Variants in MYO3A observed in about 807,000 individuals in gnomAD.
MYO3A encodes the protein myosin IIIA.
MYO3A carries 180 observed loss-of-function variants against 192.7 expected under a neutral mutation model. The observed-to-expected ratio is 0.93, with a 90% CI of 0.83 to 1.06. MYO3A has a LOEUF of 1.06. MYO3A is among the 50% of genes least tolerant of loss of function. The probability of loss-of-function intolerance (pLI) is 0.00; values close to 1 mark genes in which losing one functional copy is unlikely to be tolerated. For synonymous variants in MYO3A, 628 were observed against 645.3 expected, an observed-to-expected ratio of 0.97 and a Z score of 0.41; for missense variants, 1,896 against 1,905.0, an observed-to-expected ratio of 1.00 and a Z score of 0.09.
chr10:25,953,965 T>C (rs1217303541), intron 3 of MYO3A, among the ~76,000 whole-genome samples: 2 of 152,188 alleles, frequency 1.3e-5, no homozygotes, highest in African/African-American at 4.8e-5. Flanking sequence ...TTATTTTAAA[T>C]TAAAGGAGTC....
chr10:25,968,385 T>G (rs1387166417), intron 4 of MYO3A, among the ~76,000 whole-genome samples: 2 of 152,182 alleles, frequency 1.3e-5, no homozygotes, highest in Non-Finnish European at 2.9e-5. Flanking sequence ...GGCAGAGACC[T>G]GCACTATAAA....
chr10:25,945,392 A>G (rs1044243360), intron 2 of MYO3A, among the ~76,000 whole-genome samples: 2 of 152,094 alleles, frequency 1.3e-5, no homozygotes, highest in African/African-American at 4.8e-5. Context: ...CAATTGGTCT[A>G]TAGTGTTGAT....
At chr10:26,028,851 C>T (rs2131134680) in intron 10 of MYO3A, among the ~76,000 whole-genome samples, 1 of 152,284 alleles carries the variant, frequency 6.6e-6, no homozygotes, top group South Asian at 2.1e-4. Context: ...TGTGTCCACA[C>T]TTGGCTTGCC....
chr10:26,194,379 G>A (rs182725142), intron 32 of MYO3A, among the ~76,000 whole-genome samples: 33 of 151,880 alleles, frequency 2.2e-4, no homozygotes, highest in East Asian at 7.7e-4. Context: ...TCTTGTCCTC[G>A]AGCCATAGTG....
chr10:26,117,681 T>G (rs991503308), intron 17 of MYO3A, among the ~76,000 whole-genome samples: 9 of 152,256 alleles, frequency 5.9e-5, no homozygotes, highest in African/African-American at 2.2e-4. Context: ...CTCATTCTTT[T>G]CTGTGGCTAC....
chr10:26,190,944 C>G (rs1344406962), intron 31 of MYO3A, among the ~76,000 whole-genome samples: 1 of 152,016 alleles, frequency 6.6e-6, no homozygotes, highest in Non-Finnish European at 1.5e-5. Flanking sequence ...TTGTTTTTCA[C>G]TCTCTTGGCA....
intron 10 of MYO3A, among the ~76,000 whole-genome samples, chr10:26,065,319 C>T (rs1052700632): frequency 6.6e-6 from 1 of 152,090 alleles, no homozygotes. Flanking sequence ...CATGGTGGCT[C>T]ACGCCTATAA....
intron 10 of MYO3A, among the ~76,000 whole-genome samples, chr10:26,066,278 C>A (rs1216543076): frequency 6.6e-6 from 1 of 152,092 alleles, no homozygotes; most frequent in Non-Finnish European, 1.5e-5. Context: ...ATTCCTTCCC[C>A]TTTTACCAAG....
chr10:26,194,100 C>G (rs1330494867), intron 32 of MYO3A, among the ~76,000 whole-genome samples: 2 of 152,192 alleles, frequency 1.3e-5, no homozygotes, highest in African/African-American at 2.4e-5. Flanking sequence ...CACTCCAACT[C>G]ATTTCCCCCC....
intron 20 of MYO3A, among the ~76,000 whole-genome samples, chr10:26,139,604 A>G (rs921823989): frequency 6.6e-6 from 1 of 152,198 alleles, no homozygotes; most frequent in Non-Finnish European, 1.5e-5. Context: ...TCAAAAATCC[A>G]TCTATGGCCA....
intron 30 of MYO3A, among the ~76,000 whole-genome samples, chr10:26,175,593 C>T (rs12258453): frequency 0.33 from 49,740 of 152,056 alleles, 8,344 homozygotes; most frequent in South Asian, 0.44. Context: ...TTCCTTAGTG[C>T]GAGAGGTGTG....
At chr10:26,127,693 A>C (rs1839296550) in intron 19 of MYO3A, among the ~76,000 whole-genome samples, 1 of 152,096 alleles carries the variant, frequency 6.6e-6, no homozygotes, top group South Asian at 2.1e-4. Flanking sequence ...TTTATAATTC[A>C]CATCAAAATA....
At chr10:25,974,544 C>G (rs756240059) in intron 4 of MYO3A, among the ~76,000 whole-genome samples, 8 of 152,162 alleles carry the variant, frequency 5.3e-5, no homozygotes, top group Non-Finnish European at 1.2e-4. Context: ...AGCCACTGTT[C>G]AGGAGCTGGC....
intron 10 of MYO3A, among the ~76,000 whole-genome samples, chr10:26,038,644 T>C (rs556365527): frequency 2.6e-5 from 4 of 152,308 alleles, no homozygotes; most frequent in African/African-American, 9.6e-5. Context: ...AAGGATAATA[T>C]GACTTCCTCC....
intron 8 of MYO3A, 91 bp from the exon 9 acceptor site, chr10:26,023,931 C>A: frequency 1.8e-6 from 2 of 1,127,262 alleles, no homozygotes; most frequent in Non-Finnish European, 2.7e-6. Context: ...ACTGGCAGAA[C>A]CTAGGATTGC....
At chr10:26,089,561 A>G (rs1216684588) in intron 15 of MYO3A, among the ~76,000 whole-genome samples, 1 of 151,792 alleles carries the variant, frequency 6.6e-6, no homozygotes, top group Non-Finnish European at 1.5e-5. Context: ...AGATCATGCC[A>G]CTTCACTCCA....
intron 6 of MYO3A, among the ~76,000 whole-genome samples, chr10:26,013,470 A>G (rs1265530514): frequency 3.3e-5 from 5 of 151,802 alleles, no homozygotes; most frequent in Admixed American, 2.6e-4. Context: ...ATGAATAGAC[A>G]TTTCTCAAAA....
At chr10:26,203,254 T>A in intron 34 of MYO3A, 147 bp downstream of exon 34, 1 of 947,446 alleles carries the variant, frequency 1.1e-6, no homozygotes, top group Non-Finnish European at 1.6e-6. Flanking sequence ...TTAAAAGTAA[T>A]GTCATGTACA....
At chr10:26,026,710 CT>C (rs913776832) in intron 10 of MYO3A, among the ~76,000 whole-genome samples, 178 bp downstream of exon 10, 1 of 151,474 alleles carries the variant, frequency 6.6e-6, no homozygotes, top group South Asian at 2.1e-4. Context: ...GCAACACTTT[CT>C]TTTTTTTTGA....
Sources: allele counts gnomAD v4.1 joint callset (sites outside exome capture counted in the v4.1 genomes callset), GRCh38; gene constraint gnomAD v4.1.1; transcripts MANE v1.5; gene names NCBI Gene and HGNC (gene_info 2026-07-23, HGNC 2026-07-21).